CIMAP3: variants seen among roughly 807,000 people sequenced by gnomAD.
CIMAP3 encodes ciliary microtubule associated protein 3, also known as ciliary microtubule-associated protein 3.
At chr1:111,331,183 C>T in the CIMAP3 span, among the ~76,000 whole-genome samples, 1 of 152,176 alleles carries the variant, frequency 6.6e-6, no homozygotes, top group Non-Finnish European at 1.5e-5. Flanking sequence ...TAATGTGCCT[C>T]AGGACCTGTT....
chr1:111,336,412 G>A, the CIMAP3 span, among the ~76,000 whole-genome samples: 1 of 152,108 alleles, frequency 6.6e-6, no homozygotes, highest in Non-Finnish European at 1.5e-5. Flanking sequence ...GCTACAGGAG[G>A]AAATTCAAAC....
chr1:111,346,515 C>T, the CIMAP3 span: 4 of 1,386,540 alleles, frequency 2.9e-6, no homozygotes, highest in South Asian at 1.3e-5. Flanking sequence ...CCAGTAGTGG[C>T]TCGGTGGACG....
the CIMAP3 span, among the ~76,000 whole-genome samples, chr1:111,336,482 C>T: frequency 6.6e-6 from 1 of 152,030 alleles, no homozygotes; most frequent in Non-Finnish European, 1.5e-5. Flanking sequence ...ACTAGAATAA[C>T]CAATACAGAG....
the CIMAP3 span, among the ~76,000 whole-genome samples, chr1:111,336,964 A>T: frequency 0.62 from 94,319 of 151,010 alleles, 29,859 homozygotes; most frequent in Middle Eastern, 0.68. Context: ...CGGGTTACCC[A>T]CAAAGGGAAG....
chr1:111,329,078 G>A, the CIMAP3 span, among the ~76,000 whole-genome samples: 1 of 152,158 alleles, frequency 6.6e-6, no homozygotes, highest in Non-Finnish European at 1.5e-5. Context: ...TATCTAAAAA[G>A]GATCTTATTT....
At chr1:111,337,911 C>A in the CIMAP3 span, among the ~76,000 whole-genome samples, 1 of 150,516 alleles carries the variant, frequency 6.6e-6, no homozygotes, top group Non-Finnish European at 1.5e-5. Flanking sequence ...CAGCACCACA[C>A]CACACCTATT....
chr1:111,339,827 A>G, the CIMAP3 span, among the ~76,000 whole-genome samples: 3 of 151,992 alleles, frequency 2.0e-5, no homozygotes, highest in East Asian at 5.8e-4. Flanking sequence ...GCTACCAATG[A>G]CTTTCTTTAC....
At chr1:111,349,067 C>T in the CIMAP3 span, 1 of 158,544 alleles carries the variant, frequency 6.3e-6, no homozygotes, top group Non-Finnish European at 1.4e-5. Context: ...TCTACCAAGA[C>T]AGTACCCATA....
At chr1:111,347,260 C>T in the CIMAP3 span, among the ~76,000 whole-genome samples, 3 of 152,208 alleles carry the variant, frequency 2.0e-5, no homozygotes, top group Admixed American at 2.0e-4. Flanking sequence ...CTCCATTAAA[C>T]GCAAGCCCTA....
the CIMAP3 span, among the ~76,000 whole-genome samples, chr1:111,335,867 C>T: frequency 6.6e-6 from 1 of 152,230 alleles, no homozygotes; most frequent in African/African-American, 2.4e-5. Flanking sequence ...CAGCACGCAG[C>T]TGGAGATCTG....
At chr1:111,347,622 C>CTT in the CIMAP3 span, 1,306 of 808,922 alleles carry the variant, frequency 1.6e-3, 3 homozygotes, top group African/African-American at 3.9e-3. Flanking sequence ...TTTTTTCTTT[C>CTT]TTTTTTTTTT....
the CIMAP3 span, among the ~76,000 whole-genome samples, chr1:111,334,203 G>A: frequency 1.7e-4 from 26 of 152,208 alleles, no homozygotes; most frequent in South Asian, 5.2e-3. Flanking sequence ...AAGGCTGGAC[G>A]AAATAACTAA....
At chr1:111,341,336 T>G in the CIMAP3 span, among the ~76,000 whole-genome samples, 1 of 152,022 alleles carries the variant, frequency 6.6e-6, no homozygotes, top group African/African-American at 2.4e-5. Flanking sequence ...TGTGCACATG[T>G]ACCCTAAAAC....
chr1:111,335,390 G>C, the CIMAP3 span, among the ~76,000 whole-genome samples: 6 of 152,106 alleles, frequency 3.9e-5, no homozygotes, highest in Non-Finnish European at 7.4e-5. Flanking sequence ...GCTGAAGCAG[G>C]GCAAGGCATT....
At chr1:111,351,561 G>A in the CIMAP3 span, 1 of 360,864 alleles carries the variant, frequency 2.8e-6, no homozygotes, top group Non-Finnish European at 5.0e-6. Flanking sequence ...GGTTTCTGTT[G>A]GGTGCTGAGT....
chr1:111,339,885 C>T, the CIMAP3 span, among the ~76,000 whole-genome samples: 1 of 151,672 alleles, frequency 6.6e-6, no homozygotes, highest in Non-Finnish European at 1.5e-5. Flanking sequence ...CAAAAAAGAG[C>T]CCGCATCGCC....
chr1:111,352,821 T>C, the CIMAP3 span: 2 of 151,812 alleles, frequency 1.3e-5, no homozygotes, highest in East Asian at 3.9e-4. Context: ...TTGATGGGGG[T>C]GGAGGTGGGG....
At chr1:111,343,634 G>A in the CIMAP3 span, among the ~76,000 whole-genome samples, 1 of 152,206 alleles carries the variant, frequency 6.6e-6, no homozygotes, top group East Asian at 1.9e-4. Flanking sequence ...TTCTGCATTA[G>A]CCTATTATCA....
At chr1:111,333,622 T>C in the CIMAP3 span, among the ~76,000 whole-genome samples, 18 of 152,238 alleles carry the variant, frequency 1.2e-4, no homozygotes, top group African/African-American at 4.3e-4. Context: ...CAATAGGAAG[T>C]CCCTCCTGAC....
Sources: gnomAD v4.1 joint callset for allele counts (sites outside exome capture counted in the v4.1 genomes callset) on GRCh38, gnomAD v4.1.1 for gene constraint, MANE v1.5 for transcripts, NCBI Gene and HGNC (gene_info 2026-07-23, HGNC 2026-07-21) for gene names.